Variants in ZNF804B observed in about 807,000 individuals in gnomAD.
The protein encoded by ZNF804B is zinc finger 804B.
A neutral mutation model predicts 101.4 loss-of-function variants in ZNF804B; 80 were observed. That is an observed-to-expected ratio of 0.79 (90% CI 0.66 to 0.95). The LOEUF is 0.95. Ranked by LOEUF, ZNF804B falls within the 40% of genes least tolerant of loss-of-function variation. The pLI is 0.00. For missense variants in ZNF804B, 1,673 were observed against 1,561.9 expected (o/e 1.07, Z -1.20); for synonymous variants, 622 against 558.8 (o/e 1.11, Z -1.59).
chr7:88,864,296 G>A (rs896168008), intron 1 of ZNF804B, among the ~76,000 whole-genome samples: 5 of 152,178 alleles, frequency 3.3e-5, no homozygotes, highest in African/African-American at 7.2e-5. Flanking sequence ...ATGAGACAAC[G>A]AATATATACT....
chr7:89,050,018 A>C (rs946574542), intron 1 of ZNF804B, among the ~76,000 whole-genome samples: 19 of 152,150 alleles, frequency 1.2e-4, no homozygotes, highest in Admixed American at 4.6e-4. Context: ...TCTCAAAACA[A>C]AAACGAAAAC....
At chr7:88,907,311 T>G (rs1347667155) in intron 1 of ZNF804B, among the ~76,000 whole-genome samples, 2 of 152,018 alleles carry the variant, frequency 1.3e-5, no homozygotes, top group African/African-American at 4.8e-5. Flanking sequence ...GTTTTTTAAC[T>G]GGTGTGTTTT....
chr7:89,219,637 C>T (rs895518882), intron 2 of ZNF804B, among the ~76,000 whole-genome samples: 7 of 151,070 alleles, frequency 4.6e-5, no homozygotes, highest in Non-Finnish European at 1.0e-4. Flanking sequence ...TAAATACCAC[C>T]GACTGAGAAA....
intron 1 of ZNF804B, among the ~76,000 whole-genome samples, chr7:88,876,221 G>C (rs1219988816): frequency 6.6e-6 from 1 of 152,114 alleles, no homozygotes; most frequent in Non-Finnish European, 1.5e-5. Flanking sequence ...TCTGGGACTT[G>C]ACCCAGTCTT....
chr7:89,208,846 A>G (rs1349357250), intron 1 of ZNF804B, among the ~76,000 whole-genome samples: 4 of 151,390 alleles, frequency 2.6e-5, no homozygotes, highest in Non-Finnish European at 4.4e-5. Flanking sequence ...CCCCGTCTGT[A>G]CTGAAAATAC....
At chr7:88,934,851 A>G (rs1792942731) in intron 1 of ZNF804B, among the ~76,000 whole-genome samples, 1 of 152,016 alleles carries the variant, frequency 6.6e-6, no homozygotes, top group Non-Finnish European at 1.5e-5. Flanking sequence ...TAGAACTACC[A>G]TTCAATCCAG....
At chr7:89,220,087 A>C (rs1393728896) in intron 2 of ZNF804B, among the ~76,000 whole-genome samples, 1 of 123,644 alleles carries the variant, frequency 8.1e-6, no homozygotes, top group Admixed American at 7.8e-5. Context: ...ATATACATAT[A>C]TATACGCACA....
Position 89,218,259 on chromosome 7 carries a change from C to T in ZNF804B, c.213C>T (p.Asp71=), listed in dbSNP as rs1234406490. 1.2e-6 allele frequency: 2 copies of T among 1,613,710 alleles called. No individual in the cohort carries two copies. The highest frequency in any genetic ancestry group is 1.1e-5 in the South Asian group (1 of 91,026). Residue 71 remains aspartate, a synonymous_variant, in exon 2 of 4, where the codon GAC becomes GAT. Coordinates refer to ENST00000333190, the MANE Select transcript of ZNF804B (RefSeq NM_181646.5). ...DKQYHKHQEF[D]NHINSYDHAH... ...AGTATCACAAACACCAGGAGTTTGA[C>T]AATCATATTAATTCTTATGACCATG...
At chr7:89,089,609 A>G (rs1429848056) in intron 1 of ZNF804B, among the ~76,000 whole-genome samples, 1 of 152,042 alleles carries the variant, frequency 6.6e-6, no homozygotes, top group Non-Finnish European at 1.5e-5. Context: ...ACCCAAACAC[A>G]CCAATCACAA....
chr7:89,267,265 C>T (rs1280117341), intron 2 of ZNF804B, among the ~76,000 whole-genome samples: 1 of 152,122 alleles, frequency 6.6e-6, no homozygotes, highest in Non-Finnish European at 1.5e-5. Context: ...CCTTTGTGAA[C>T]TTGCTCTATC....
At chr7:89,284,975 G>A (rs1790159780) in intron 2 of ZNF804B, among the ~76,000 whole-genome samples, 1 of 151,958 alleles carries the variant, frequency 6.6e-6, no homozygotes, top group Admixed American at 6.6e-5. Flanking sequence ...GAGGCAGGAG[G>A]ATTACTTGAG....
intron 1 of ZNF804B, among the ~76,000 whole-genome samples, chr7:88,962,814 T>G (rs1257901713): frequency 6.7e-6 from 1 of 148,332 alleles, no homozygotes; most frequent in Non-Finnish European, 1.5e-5. Context: ...AAGCATTTCA[T>G]TCAAACATTA....
intron 2 of ZNF804B, among the ~76,000 whole-genome samples, chr7:89,259,995 A>C (rs1789686730): frequency 6.6e-6 from 1 of 151,792 alleles, no homozygotes; most frequent in African/African-American, 2.4e-5. Flanking sequence ...AAAAATAAAA[A>C]GAGAGAGAGA....
chr7:89,115,018 G>C lies in ZNF804B; in HGVS notation c.109-103137G>C, dbSNP rs73393233. 7.5e-3 allele frequency among the ~76,000 whole-genome samples: 1,136 copies of C among 152,076 alleles called. 18 individuals carry two copies. The highest frequency in any genetic ancestry group is 0.026 in the African/African-American group (1,063 of 41,480). The stretch of plus-strand genomic sequence containing the variant: ...CTTTTTCCTATGAGTTCCTCTAATG[G>C]AAGAAACTTAACTAGAAGTCAGCTG... On this transcript the variant is annotated intron_variant, in intron 1 of 3. Coordinates refer to ENST00000333190, the MANE Select transcript of ZNF804B (RefSeq NM_181646.5).
chr7:89,197,335 A>C (rs1340395334), intron 1 of ZNF804B, among the ~76,000 whole-genome samples: 1 of 151,980 alleles, frequency 6.6e-6, no homozygotes, highest in African/African-American at 2.4e-5. Context: ...TTTTCCAGGG[A>C]CAATATGCGT....
intron 1 of ZNF804B, among the ~76,000 whole-genome samples, chr7:88,838,527 GTGTT>G (rs1216612393): frequency 2.0e-5 from 3 of 151,916 alleles, no homozygotes; most frequent in Non-Finnish European, 4.4e-5. Context: ...TAATTAAAAA[GTGTT>G]TGCTTATTTT....
chr7:88,884,908 C>T (rs1000558937), intron 1 of ZNF804B, among the ~76,000 whole-genome samples: 39 of 151,902 alleles, frequency 2.6e-4, no homozygotes, highest in African/African-American at 8.9e-4. Flanking sequence ...TTATTAGTCT[C>T]GTCCATTGAA....
intron 1 of ZNF804B, among the ~76,000 whole-genome samples, chr7:88,971,228 T>C (rs903730734): frequency 1.3e-5 from 2 of 151,602 alleles, no homozygotes; most frequent in Non-Finnish European, 3.0e-5. Flanking sequence ...GACCGTTTGG[T>C]CAATGACTGA....
intron 1 of ZNF804B, among the ~76,000 whole-genome samples, chr7:88,830,061 C>T (rs1276531610): frequency 2.0e-5 from 3 of 151,854 alleles, no homozygotes; most frequent in Non-Finnish European, 4.4e-5. Context: ...ATGGTGTGGC[C>T]CTGGCAGGAT....
Sources: gnomAD v4.1 joint callset for allele counts (sites outside exome capture counted in the v4.1 genomes callset) on GRCh38, gnomAD v4.1.1 for gene constraint, MANE v1.5 for transcripts, NCBI Gene and HGNC (gene_info 2026-07-23, HGNC 2026-07-21) for gene names.